Variants in PLXNA4 observed in about 807,000 individuals in gnomAD.
PLXNA4 encodes the protein plexin A4.
A neutral mutation model predicts 191.8 loss-of-function variants in PLXNA4; 44 were observed. That is an observed-to-expected ratio of 0.23 (90% CI 0.18 to 0.29). The LOEUF is 0.29. Ranked by LOEUF, PLXNA4 falls within the 10% of genes least tolerant of loss-of-function variation. The pLI, the probability that PLXNA4 is intolerant of heterozygous loss-of-function variation, is 1.00. For missense variants in PLXNA4, 1,800 were observed against 2,488.8 expected (o/e 0.72, Z 5.89); for synonymous variants, 1,082 against 1,009.5 (o/e 1.07, Z -1.36).
At chr7:132,623,910 G>C (rs1035420980) in intron 2 of PLXNA4, among the ~76,000 whole-genome samples, 4 of 152,150 alleles carry the variant, frequency 2.6e-5, no homozygotes, top group African/African-American at 4.8e-5. Flanking sequence ...TGAGTACCTG[G>C]CTTGGTATCC....
intron 4 of PLXNA4, among the ~76,000 whole-genome samples, chr7:132,271,442 A>AG (rs1800067916): frequency 6.6e-6 from 1 of 151,506 alleles, no homozygotes; most frequent in Non-Finnish European, 1.5e-5. Flanking sequence ...AAAAAAAAAA[A>AG]AAAAAGAAAC....
Position 132,462,879 on chromosome 7 carries a change from TG to T in PLXNA4, c.1371+26412del, listed in dbSNP as rs534880427. On this transcript the variant is annotated intron_variant, in intron 3 of 31. Transcript: ENST00000321063. Reference sequence around the variant, plus strand: ...TTTTTTTGTGAGGGGGACCGAGTTTTGCTCTTTCCACCCAGGCTGGAGTACA... The same window carrying T: ...TTTTTTTGTGAGGGGGACCGAGTTTTCTCTTTCCACCCAGGCTGGAGTACA... Among the ~76,000 whole-genome samples, 608 of 147,784 alleles carry T rather than the reference TG, an allele frequency of 4.1e-3. 5 individuals are homozygous for T. The highest frequency in any genetic ancestry group is 0.024 in the Middle Eastern group (7 of 292).
At chr7:132,268,312 G>A (rs1429721676) in intron 4 of PLXNA4, among the ~76,000 whole-genome samples, 1 of 152,194 alleles carries the variant, frequency 6.6e-6, no homozygotes, top group Admixed American at 6.5e-5. Flanking sequence ...TAGCTCCCTT[G>A]CTTTAAAGTA....
rs778703061 is a variant in PLXNA4, at chr7:132,181,504, G to A, written c.3369C>T (p.Asp1123=). Residue 1123 remains aspartate (D), a synonymous_variant, in exon 18 of 32, where the codon GAC becomes GAT. Coordinates refer to ENST00000321063, the MANE Select transcript of PLXNA4 (RefSeq NM_020911.2). ...ERPEEFGFIL[D]NVQSLLILNK... is the part of the protein sequence containing the mutation. ...TGAGGATGAGCAGGGACTGGACGTT[G>A]TCCAGGATGAAGCCAAACTCCTCGG... The A allele has an allele frequency of 2.5e-6, 4 of 1,614,188 alleles. No individual in the cohort carries two copies. In the South Asian group the frequency reaches 3.3e-5, roughly 13 times the overall value.
intron 2 of PLXNA4, among the ~76,000 whole-genome samples, chr7:132,642,597 C>T (rs1445779212): frequency 6.6e-6 from 1 of 152,036 alleles, no homozygotes; most frequent in Non-Finnish European, 1.5e-5. Context: ...GGGGGAACGA[C>T]AGGGCACAGA....
intron 3 of PLXNA4, among the ~76,000 whole-genome samples, chr7:132,371,132 G>C (rs143244857): frequency 6.6e-6 from 1 of 152,262 alleles, no homozygotes; most frequent in Non-Finnish European, 1.5e-5. Flanking sequence ...TTGGGCTGGG[G>C]AGACGGGTTG....
intron 3 of PLXNA4, among the ~76,000 whole-genome samples, chr7:132,356,553 C>T (rs894328828): frequency 1.3e-5 from 2 of 152,222 alleles, no homozygotes; most frequent in Non-Finnish European, 2.9e-5. Flanking sequence ...TTCCTCTCTT[C>T]ACTACCTGCT....
chr7:132,366,594 C>T (rs1804197233), intron 3 of PLXNA4, among the ~76,000 whole-genome samples: 1 of 151,896 alleles, frequency 6.6e-6, no homozygotes, highest in Non-Finnish European at 1.5e-5. Flanking sequence ...AAAGTAGGGG[C>T]TTTTGGGAAA....
At chr7:132,436,262 C>T (rs1056337890) in intron 3 of PLXNA4, among the ~76,000 whole-genome samples, 12 of 152,222 alleles carry the variant, frequency 7.9e-5, no homozygotes, top group African/African-American at 2.9e-4. Context: ...ATGCTGCACA[C>T]TCCGTCCAAC....
intron 3 of PLXNA4, among the ~76,000 whole-genome samples, chr7:132,301,972 T>C (rs919756405): frequency 6.6e-6 from 1 of 152,202 alleles, no homozygotes; most frequent in African/African-American, 2.4e-5. Flanking sequence ...CAATGGCATA[T>C]AAGACTAGAA....
intron 3 of PLXNA4, among the ~76,000 whole-genome samples, chr7:132,352,028 T>C (rs1211900772): frequency 6.6e-6 from 1 of 152,166 alleles, no homozygotes; most frequent in Non-Finnish European, 1.5e-5. Flanking sequence ...TATATTAGGA[T>C]TGGCATACAT....
In PLXNA4 at chr7:132,128,265, A is replaced by C. The variant is rs1036651692; in HGVS notation, c.*2214T>G. On this transcript the variant is annotated 3_prime_UTR_variant, in exon 32 of 32. Transcript: ENST00000321063. ...TTCTCCACCTGGTACTGCACTTGCC[A>C]AAACCTTTGGTTATTTATTTTTTTT... is the stretch of plus-strand genomic sequence containing the variant. 1 of 152,246 alleles carries C rather than the reference A, an allele frequency of 6.6e-6. No individual in the cohort carries two copies. The highest frequency in any genetic ancestry group is 2.1e-4 in the South Asian group (1 of 4,838). The allele number at this position is 152,246 out of a possible 1,614,324, so 9.4% of individuals were successfully genotyped here. A position where few individuals can be genotyped will look rare whatever the true frequency, so the allele number is the denominator to read the frequency against.
In PLXNA4 at chr7:132,371,593, C is replaced by T. The variant is rs554801810; in HGVS notation, c.1372-73371G>A. On this transcript the variant is annotated intron_variant, in intron 3 of 31. Transcript: ENST00000321063. ...CACCGAGGGGACTGATGGCTAAAACCAAAGTTGCAGTGAGCCTGGAAGGGA... is the reference window on the plus strand; with the variant it reads ...CACCGAGGGGACTGATGGCTAAAACTAAAGTTGCAGTGAGCCTGGAAGGGA... Among the ~76,000 whole-genome samples the T allele has an allele frequency of 5.3e-5, 8 of 152,242 alleles. No homozygotes were observed. The East Asian group carries it at 1.5e-3, about 29-fold the overall frequency.
chr7:132,440,352 T>C (rs938382903), intron 3 of PLXNA4, among the ~76,000 whole-genome samples: 2 of 152,212 alleles, frequency 1.3e-5, no homozygotes, highest in African/African-American at 4.8e-5. Context: ...CAGCAACTTT[T>C]GAAAGTATAC....
intron 2 of PLXNA4, among the ~76,000 whole-genome samples, chr7:132,504,155 A>T (rs1222708198): frequency 6.6e-6 from 1 of 152,220 alleles, no homozygotes; most frequent in Admixed American, 6.5e-5. Flanking sequence ...ATTCACCTGA[A>T]GTTGAGGTAC....
intron 1 of PLXNA4, among the ~76,000 whole-genome samples, chr7:132,564,654 A>T (rs1185386883): frequency 1.2e-4 from 18 of 152,220 alleles, no homozygotes; most frequent in Non-Finnish European, 1.5e-5. Context: ...GCACTCAATA[A>T]ATATTGCTTG....
chr7:132,294,155 A>G lies in PLXNA4; in HGVS notation c.1503+3936T>C, dbSNP rs117187344. Among the ~76,000 whole-genome samples, 1,382 of 152,314 alleles carry G rather than the reference A, an allele frequency of 9.1e-3. 8 individuals carry two copies. Among genetic ancestry groups the G allele is most frequent in the Admixed American group, 0.014 (221 of 15,304 alleles). On this transcript the variant is annotated intron_variant, in intron 4 of 31. Transcript: ENST00000321063. ...AATAGAGCCAGGAGAGGAGATTGGG[A>G]GTTTATGAGTCTGAGTGGAAGGCAA...
chr7:132,567,507 C>T (rs775042062), intron 1 of PLXNA4, among the ~76,000 whole-genome samples: 1 of 152,182 alleles, frequency 6.6e-6, no homozygotes, highest in Non-Finnish European at 1.5e-5. Flanking sequence ...GTCAGTCTGA[C>T]TTGATGTGAT....
At chr7:132,406,526 T>A (rs1794225101) in intron 3 of PLXNA4, among the ~76,000 whole-genome samples, 1 of 152,190 alleles carries the variant, frequency 6.6e-6, no homozygotes. Context: ...GAATAGGGCT[T>A]CTCCTTTGGC....
Sources: gnomAD v4.1 joint callset for allele counts (sites outside exome capture counted in the v4.1 genomes callset) on GRCh38, gnomAD v4.1.1 for gene constraint, MANE v1.5 for transcripts, NCBI Gene and HGNC (gene_info 2026-07-23, HGNC 2026-07-21) for gene names.